Variants in GLIS3 observed in about 807,000 individuals in gnomAD.
GLIS3 encodes the protein zinc finger protein GLIS3.
Under a neutral mutation model 78.6 loss-of-function variants are expected in GLIS3, and 53 were observed. The observed-to-expected ratio is 0.67, with a 90% CI of 0.54 to 0.85. The LOEUF (loss-of-function observed/expected upper bound fraction) is 0.85, where lower values mean the gene tolerates loss of function less well. Among genes scored for constraint, GLIS3 ranks in the 40% least tolerant of loss-of-function variants. The pLI is 0.00. For missense variants in GLIS3, 1,703 were observed against 1,231.1 expected, an observed-to-expected ratio of 1.38 and a Z score of -5.74; for synonymous variants, 684 against 509.9, an observed-to-expected ratio of 1.34 and a Z score of -4.60.
chr9:4,296,641 A>G (rs1030740345), intron 1 of GLIS3, among the ~76,000 whole-genome samples: 3 of 152,204 alleles, frequency 2.0e-5, no homozygotes, highest in African/African-American at 7.2e-5. Flanking sequence ...CCTAAGGTGA[A>G]CCAAGGGGAG....
intron 4 of GLIS3, among the ~76,000 whole-genome samples, chr9:4,009,154 C>G (rs188728442): frequency 6.6e-6 from 1 of 152,318 alleles, no homozygotes; most frequent in East Asian, 1.9e-4. Context: ...CTTTCTCTCT[C>G]CTTCCAGAGC....
At chr9:4,323,351 C>G (rs1587385883) in intron 2 of GLIS3, among the ~76,000 whole-genome samples, 2 of 152,222 alleles carry the variant, frequency 1.3e-5, no homozygotes, top group South Asian at 4.1e-4. Context: ...GTTCCCTTTT[C>G]CTTGCTTTTA....
the GLIS3 span, among the ~76,000 whole-genome samples, chr9:4,418,780 T>G: frequency 1.3e-5 from 2 of 151,992 alleles, no homozygotes; most frequent in Non-Finnish European, 2.9e-5. Flanking sequence ...TGAAAAACAG[T>G]AGTATTTGAG....
chr9:4,011,387 G>T (rs966611801), intron 4 of GLIS3, among the ~76,000 whole-genome samples: 1 of 152,194 alleles, frequency 6.6e-6, no homozygotes, highest in South Asian at 2.1e-4. Flanking sequence ...ATGACCAGAA[G>T]ACAAAGAGAA....
intron 4 of GLIS3, among the ~76,000 whole-genome samples, chr9:4,024,193 C>T (rs1355554826): frequency 6.6e-6 from 1 of 152,150 alleles, no homozygotes; most frequent in Non-Finnish European, 1.5e-5. Context: ...TGCAACCCCC[C>T]AGTCTGTCTG....
chr9:4,344,318 C>T (rs1448080307), intron 2 of GLIS3, among the ~76,000 whole-genome samples: 2 of 152,186 alleles, frequency 1.3e-5, no homozygotes, highest in Non-Finnish European at 2.9e-5. Flanking sequence ...GTAAAGCCAG[C>T]AGTCAATTCT....
the GLIS3 span, among the ~76,000 whole-genome samples, chr9:4,421,279 G>T: frequency 6.6e-6 from 1 of 152,142 alleles, no homozygotes; most frequent in African/African-American, 2.4e-5. Context: ...CAGGAAAGGG[G>T]GTCCATCCAA....
chr9:4,017,361 G>T (rs141348321), intron 4 of GLIS3, among the ~76,000 whole-genome samples: 1 of 152,150 alleles, frequency 6.6e-6, no homozygotes, highest in African/African-American at 2.4e-5. Context: ...GATGTAATTT[G>T]GGTGCTGAAT....
At position 3,826,126 on chromosome 9, in the gene GLIS3, AGGCAG is replaced by A. The variant is rs976404280; in HGVS notation, c.*2141_*2145del. ...CTATTTTAAATTACATAAAGCCAAA[AGGCAG>A]GGCTGACAATGTCAACTGCAATAAC... On this transcript the variant is annotated 3_prime_UTR_variant, in exon 11 of 11. Transcript: ENST00000381971. 6.6e-6 allele frequency: 1 copy of A among 152,222 alleles called. No individual in the cohort carries two copies. Among genetic ancestry groups the A allele is most frequent in the African/African-American group, 2.4e-5 (1 of 41,456 alleles). The allele number at this position is 152,222 out of a possible 1,614,324, so 9.4% of individuals were successfully genotyped here.
the GLIS3 span, among the ~76,000 whole-genome samples, chr9:4,356,399 G>T: frequency 1.3e-5 from 2 of 152,176 alleles, no homozygotes; most frequent in Non-Finnish European, 2.9e-5. Context: ...ATATGATTGA[G>T]CCCTGGTATG....
At chr9:4,230,082 C>T (rs1468469008) in intron 2 of GLIS3, among the ~76,000 whole-genome samples, 16 of 152,114 alleles carry the variant, frequency 1.1e-4, no homozygotes, top group Non-Finnish European at 1.5e-5. Context: ...AAAGAAAGGC[C>T]GACGGGCCAA....
At chr9:4,348,714 C>T (rs767298767), upstream of GLIS3, among the ~76,000 whole-genome samples, 3 of 151,628 alleles carry the variant, frequency 2.0e-5, no homozygotes, top group Non-Finnish European at 2.9e-5. Context: ...GGTAAATATG[C>T]GGTCATTAAA....
chr9:4,220,098 C>G (rs561804234), intron 2 of GLIS3, among the ~76,000 whole-genome samples: 3 of 152,292 alleles, frequency 2.0e-5, no homozygotes, highest in Admixed American at 6.5e-5. Context: ...AGGGCTCCCA[C>G]TGACTAAACA....
chr9:4,317,401 C>A (rs974599046), intron 2 of GLIS3, among the ~76,000 whole-genome samples: 1 of 152,176 alleles, frequency 6.6e-6, no homozygotes, highest in Non-Finnish European at 1.5e-5. Flanking sequence ...ACACACATTT[C>A]CCGAGACATT....
chr9:4,044,905 G>T (rs764776554), intron 4 of GLIS3, among the ~76,000 whole-genome samples: 25 of 152,058 alleles, frequency 1.6e-4, no homozygotes, highest in Non-Finnish European at 3.4e-4. Context: ...ACTACAGAAT[G>T]CAGTGGGTGA....
chr9:3,865,910 G>A (rs962811512), intron 8 of GLIS3, among the ~76,000 whole-genome samples: 5 of 152,174 alleles, frequency 3.3e-5, no homozygotes, highest in Admixed American at 1.3e-4. Flanking sequence ...TAAAACACAG[G>A]TGGATAAAAA....
At chr9:3,957,441 G>C (rs561031911) in intron 4 of GLIS3, among the ~76,000 whole-genome samples, 3 of 152,320 alleles carry the variant, frequency 2.0e-5, no homozygotes, top group African/African-American at 7.2e-5. Flanking sequence ...GAGGAACAAA[G>C]ACTCAAACTA....
chr9:4,249,981 G>C (rs965337400), intron 2 of GLIS3, among the ~76,000 whole-genome samples: 5 of 152,178 alleles, frequency 3.3e-5, no homozygotes, highest in African/African-American at 9.7e-5. Context: ...ACTTGACCGT[G>C]GTGGATAAGC....
At chr9:3,852,038 A>C (rs1407460152) in intron 9 of GLIS3, among the ~76,000 whole-genome samples, 1 of 152,068 alleles carries the variant, frequency 6.6e-6, no homozygotes, top group Non-Finnish European at 1.5e-5. Flanking sequence ...CCAGCTACTC[A>C]GGAGGCTGAG....
Sources: gnomAD v4.1 joint callset for allele counts (sites outside exome capture counted in the v4.1 genomes callset) on GRCh38, gnomAD v4.1.1 for gene constraint, MANE v1.5 for transcripts, NCBI Gene and HGNC (gene_info 2026-07-23, HGNC 2026-07-21) for gene names.